The following CDH12 variants were observed in gnomAD, a reference collection of about 807,000 sequenced individuals.
CDH12 encodes the protein cadherin 12.
Under a neutral mutation model 74.1 loss-of-function variants are expected in CDH12, and 41 were observed. That is an observed-to-expected ratio of 0.55 (90% CI 0.43 to 0.72). The LOEUF is 0.72. Among genes scored for constraint, CDH12 ranks in the 30% least tolerant of loss-of-function variants. The probability of loss-of-function intolerance (pLI) is 0.00; values close to 1 mark genes in which losing one functional copy is unlikely to be tolerated. For missense variants in CDH12, 945 were observed against 977.2 expected (o/e 0.97, Z 0.44); for synonymous variants, 399 against 355.0 (o/e 1.12, Z -1.39).
Position 21,966,343 on chromosome 5 carries a change from C to T in CDH12, c.526+8748G>A, listed in dbSNP as rs959343679. ...TAGTAAATATTTTAGTCTTTGCAGG[C>T]CATATGGTCTCTGTTGCCAGCTCTT... On this transcript the variant is annotated intron_variant, in intron 6 of 14. Transcript: ENST00000382254. Among the ~76,000 whole-genome samples, 36 of 152,104 alleles carry T rather than the reference C, an allele frequency of 2.4e-4. 1 individual carries two copies. Among genetic ancestry groups the T allele is most frequent in the Admixed American group, 2.1e-3 (32 of 15,252 alleles).
intron 3 of CDH12, among the ~76,000 whole-genome samples, chr5:22,343,870 C>G (rs182635196): frequency 6.6e-6 from 1 of 152,196 alleles, no homozygotes; most frequent in Non-Finnish European, 1.5e-5. Context: ...ACAACTATCT[C>G]TTTATTAATT....
chr5:21,849,994 T>C (rs1167055763), intron 7 of CDH12, among the ~76,000 whole-genome samples: 3 of 151,610 alleles, frequency 2.0e-5, no homozygotes, highest in African/African-American at 7.3e-5. Context: ...ATCCTGCCAT[T>C]TGCTACAACA....
chr5:22,529,097 A>ATATATGT (rs1737431634), intron 1 of CDH12, among the ~76,000 whole-genome samples: 27 of 148,476 alleles, frequency 1.8e-4, no homozygotes, highest in East Asian at 6.0e-4. Context: ...GCAAAACATG[A>ATATATGT]ATATATGCAT....
At chr5:21,847,939 C>T (rs1750265789) in intron 7 of CDH12, among the ~76,000 whole-genome samples, 1 of 152,082 alleles carries the variant, frequency 6.6e-6, no homozygotes, top group Non-Finnish European at 1.5e-5. Flanking sequence ...TTTGTCTTTA[C>T]TTTCTTCTTC....
intron 5 of CDH12, among the ~76,000 whole-genome samples, chr5:21,995,089 A>C (rs1020226375): frequency 4.6e-5 from 7 of 152,072 alleles, no homozygotes; most frequent in African/African-American, 1.7e-4. Flanking sequence ...AACCCACCAG[A>C]AGGAAGACAC....
intron 2 of CDH12, among the ~76,000 whole-genome samples, chr5:22,501,212 T>C (rs1747319739): frequency 6.6e-6 from 1 of 152,186 alleles, no homozygotes; most frequent in Non-Finnish European, 1.5e-5. Flanking sequence ...AAAATGCATG[T>C]AAATGACCTT....
intron 1 of CDH12, among the ~76,000 whole-genome samples, chr5:22,680,084 T>C (rs1741414830): frequency 6.6e-6 from 1 of 151,942 alleles, no homozygotes. Flanking sequence ...AACAATACAG[T>C]TGTAGTCACC....
At chr5:22,431,681 GAC>G (rs1460043006) in intron 2 of CDH12, among the ~76,000 whole-genome samples, 6 of 152,214 alleles carry the variant, frequency 3.9e-5, no homozygotes, top group Non-Finnish European at 5.9e-5. Flanking sequence ...GGAGGTGAAA[GAC>G]AGTGATGTTG....
intron 3 of CDH12, among the ~76,000 whole-genome samples, chr5:22,255,165 T>A (rs1753269117): frequency 6.6e-6 from 1 of 151,930 alleles, no homozygotes; most frequent in Admixed American, 6.6e-5. Context: ...TTGCTATTTC[T>A]TGAAGGAAGC....
intron 1 of CDH12, among the ~76,000 whole-genome samples, chr5:22,678,039 C>T (rs1034783265): frequency 1.1e-5 from 1 of 90,058 alleles, no homozygotes; most frequent in African/African-American, 3.9e-5. Context: ...CCTATACCAT[C>T]CTCATGGGGG....
At chr5:22,620,338 A>C (rs1488753077) in intron 1 of CDH12, among the ~76,000 whole-genome samples, 1 of 152,020 alleles carries the variant, frequency 6.6e-6, no homozygotes. Flanking sequence ...ATGAAGGGAA[A>C]ATAAAGAGAG....
At chr5:22,612,360 A>G (rs535289140) in intron 1 of CDH12, among the ~76,000 whole-genome samples, 1 of 152,258 alleles carries the variant, frequency 6.6e-6, no homozygotes, top group South Asian at 2.1e-4. Flanking sequence ...TGGATTTGGA[A>G]ACACTGTTTA....
rs192550226 is a variant in CDH12, at chr5:22,025,822, T to A, written c.232-50437A>T. Among the ~76,000 whole-genome samples, 13 of 152,296 alleles carry A rather than the reference T, an allele frequency of 8.5e-5. No individual in the cohort carries two copies. The East Asian group carries it at 2.3e-3, about 27-fold the overall frequency. On this transcript the variant is annotated intron_variant, in intron 5 of 14. Coordinates refer to ENST00000382254, the MANE Select transcript of CDH12 (RefSeq NM_004061.5). ...TTCACAGCTTCTTCACCAGCAATGT[T>A]TCCATCTTAACAAATCACTTTTCTA...
At chr5:22,530,659 T>G (rs1737546459) in intron 1 of CDH12, among the ~76,000 whole-genome samples, 1 of 152,008 alleles carries the variant, frequency 6.6e-6, no homozygotes, top group Non-Finnish European at 1.5e-5. Flanking sequence ...AATAATAATA[T>G]ATTTTAAAAT....
chr5:22,374,242 T>A (rs370060211), intron 3 of CDH12, among the ~76,000 whole-genome samples: 38 of 151,236 alleles, frequency 2.5e-4, no homozygotes, highest in Middle Eastern at 3.4e-3. Flanking sequence ...TAGAAAAAAA[T>A]GGAAAAAAAA....
chr5:22,695,578 A>G (rs1488598925), intron 1 of CDH12, among the ~76,000 whole-genome samples: 2 of 152,342 alleles, frequency 1.3e-5, no homozygotes, highest in East Asian at 3.9e-4. Context: ...GAAAACAGAC[A>G]TATTTTAAAA....
chr5:21,954,742 G>A (rs1756018508), intron 6 of CDH12, among the ~76,000 whole-genome samples: 1 of 151,980 alleles, frequency 6.6e-6, no homozygotes, highest in Admixed American at 6.6e-5. Flanking sequence ...AATACTGGAG[G>A]AACAACTGAT....
chr5:22,636,834 C>T (rs1014857246), intron 1 of CDH12, among the ~76,000 whole-genome samples: 5 of 152,094 alleles, frequency 3.3e-5, no homozygotes, highest in African/African-American at 9.7e-5. Flanking sequence ...AATTATATCT[C>T]AATAAAATGT....
intron 3 of CDH12, among the ~76,000 whole-genome samples, chr5:22,275,906 G>T (rs1440601863): frequency 6.6e-6 from 1 of 152,170 alleles, no homozygotes; most frequent in Admixed American, 6.5e-5. Flanking sequence ...TGGTGACAGA[G>T]TAGTGTCCTG....
Sources: gnomAD v4.1 joint callset for allele counts (sites outside exome capture counted in the v4.1 genomes callset) on GRCh38, gnomAD v4.1.1 for gene constraint, MANE v1.5 for transcripts, NCBI Gene and HGNC (gene_info 2026-07-23, HGNC 2026-07-21) for gene names.